The following SLC2A9 variants were observed in gnomAD, a reference collection of about 807,000 sequenced individuals.
SLC2A9 encodes the protein solute carrier family 2, facilitated glucose transporter member 9.
SLC2A9 carries 39 observed loss-of-function variants against 50.6 expected under a neutral mutation model. The observed-to-expected ratio is 0.77, with a 90% CI of 0.60 to 1.01. The LOEUF is 1.01. Among genes scored for constraint, SLC2A9 ranks in the 50% least tolerant of loss-of-function variants. SLC2A9 has a pLI of 0.00. For synonymous variants in SLC2A9, 324 were observed against 276.9 expected (o/e 1.17, Z -1.69); for missense variants, 686 against 677.6 (o/e 1.01, Z -0.14).
chr4:9,813,632 T>C (rs1723166676), intron 3 of SLC2A9, among the ~76,000 whole-genome samples: 1 of 152,252 alleles, frequency 6.6e-6, no homozygotes, highest in Non-Finnish European at 1.5e-5. Context: ...TCCCAGAGTC[T>C]ATCATGGGAG....
chr4:9,965,367 A>G (rs1228531572), intron 5 of SLC2A9, among the ~76,000 whole-genome samples: 1 of 152,148 alleles, frequency 6.6e-6, no homozygotes, highest in Non-Finnish European at 1.5e-5. Context: ...TTTTAATCTC[A>G]TGGGAAATTT....
At chr4:10,034,670 C>T (rs1764041686) in intron 1 of SLC2A9, 1 of 152,250 alleles carries the variant, frequency 6.6e-6, no homozygotes, top group African/African-American at 2.4e-5. Context: ...CATCTGTAAA[C>T]AGGTGTGCAG....
intron 1 of SLC2A9, among the ~76,000 whole-genome samples, chr4:9,772,269 G>A (rs1716922495): frequency 1.3e-5 from 2 of 152,140 alleles, no homozygotes; most frequent in South Asian, 2.1e-4. Flanking sequence ...GATAGAAGGG[G>A]TTGGCTGGTG....
At chr4:10,026,097 T>C (rs1023425200), upstream of SLC2A9, 4 of 907,882 alleles carry the variant, frequency 4.4e-6, no homozygotes, top group African/African-American at 1.7e-5. Context: ...CTTCGAAAGG[T>C]TTGCTGTGAG....
chr4:9,804,603 C>T (rs1279587483), intron 3 of SLC2A9, among the ~76,000 whole-genome samples: 1 of 152,206 alleles, frequency 6.6e-6, no homozygotes, highest in Non-Finnish European at 1.5e-5. Flanking sequence ...CCCTCCTCTC[C>T]TCCCACCAGG....
At chr4:9,782,480 A>C in intron 3 of SLC2A9, 1 of 1,613,956 alleles carries the variant, frequency 6.2e-7, no homozygotes. Flanking sequence ...CTACAAGCGC[A>C]AGATGACTCA....
At chr4:10,010,732 C>T (rs1465192230) in intron 2 of SLC2A9, among the ~76,000 whole-genome samples, 1 of 152,228 alleles carries the variant, frequency 6.6e-6, no homozygotes, top group Non-Finnish European at 1.5e-5. Context: ...CAAACAGGCA[C>T]CAAGTTCACT....
At chr4:10,022,013 ATT>A (rs1763545669), upstream of SLC2A9, among the ~76,000 whole-genome samples, 2 of 152,020 alleles carry the variant, frequency 1.3e-5, no homozygotes, top group African/African-American at 4.8e-5. Context: ...TGATTTTTGT[ATT>A]TTTAGTAGAG....
At chr4:9,843,099 C>T (rs1158501626) in intron 10 of SLC2A9, among the ~76,000 whole-genome samples, 2 of 152,038 alleles carry the variant, frequency 1.3e-5, no homozygotes, top group African/African-American at 4.8e-5. Flanking sequence ...GAGTGTTATA[C>T]TTTGAGCAGT....
At chr4:10,031,605 C>T (rs1341668282) in intron 1 of SLC2A9, among the ~76,000 whole-genome samples, 1 of 152,184 alleles carries the variant, frequency 6.6e-6, no homozygotes, top group East Asian at 1.9e-4. Context: ...GAGGGGATCC[C>T]CCAAATCTAT....
intron 6 of SLC2A9, among the ~76,000 whole-genome samples, chr4:9,926,475 T>A (rs1744927517): frequency 6.6e-6 from 1 of 151,096 alleles, no homozygotes. Context: ...ATAGCATTGG[T>A]GGTGTAACCA....
Position 10,035,325 on chromosome 4 carries a change from G to C in SLC2A9, c.-41+4805C>G, listed in dbSNP as rs1404831385. On this transcript the variant is annotated intron_variant, in intron 1 of 12. Coordinates refer to the SLC2A9 transcript ENST00000309065. ...TGCCTCGACCCTTGGCCTGGTGCCA[G>C]GCCTTCTGTTCACTCTCAGATCAGG... is the stretch of plus-strand genomic sequence containing the variant. 5 of 152,342 alleles carry C rather than the reference G, an allele frequency of 3.3e-5. No homozygotes were observed. In the East Asian group the frequency reaches 9.7e-4, roughly 29 times the overall value. The allele number at this position is 152,342 out of a possible 1,614,324, so 9.4% of individuals were successfully genotyped here.
At chr4:9,942,553 C>T (rs1224867502) in intron 5 of SLC2A9, among the ~76,000 whole-genome samples, 3 of 152,190 alleles carry the variant, frequency 2.0e-5, no homozygotes, top group Non-Finnish European at 4.4e-5. Context: ...CTTGCAGACC[C>T]CATGGGAGTG....
chr4:9,981,307 T>C (rs1560430469), intron 4 of SLC2A9, among the ~76,000 whole-genome samples: 5 of 150,840 alleles, frequency 3.3e-5, no homozygotes, highest in South Asian at 4.2e-4. Flanking sequence ...ATAGTGATGG[T>C]GGCGATGGTG....
At chr4:9,974,518 G>GC (rs1372796722) in intron 5 of SLC2A9, among the ~76,000 whole-genome samples, 2 of 68,028 alleles carry the variant, frequency 2.9e-5, no homozygotes, top group Non-Finnish European at 8.0e-5. Flanking sequence ...TATAATAGCT[G>GC]CCAAAAAAAA....
At chr4:9,800,609 C>A (rs1289216316) in intron 3 of SLC2A9, among the ~76,000 whole-genome samples, 2 of 152,144 alleles carry the variant, frequency 1.3e-5, no homozygotes, top group East Asian at 3.8e-4. Flanking sequence ...GTACACTCAG[C>A]CTTCCTGTGA....
chr4:9,809,752 A>T (rs1308395386), intron 3 of SLC2A9, among the ~76,000 whole-genome samples: 2 of 152,204 alleles, frequency 1.3e-5, no homozygotes, highest in African/African-American at 2.4e-5. Flanking sequence ...CACTTAGCAG[A>T]GTCCCGAATA....
chr4:9,944,191 G>A (rs368137550), intron 5 of SLC2A9, among the ~76,000 whole-genome samples: 76 of 152,316 alleles, frequency 5.0e-4, no homozygotes, highest in Middle Eastern at 3.4e-3. Context: ...AGGGGATGCC[G>A]GAGATGTGGG....
At chr4:9,896,778 A>T (rs902718040) in intron 8 of SLC2A9, among the ~76,000 whole-genome samples, 3 of 152,146 alleles carry the variant, frequency 2.0e-5, no homozygotes, top group Admixed American at 1.3e-4. Flanking sequence ...TGCCATTCAC[A>T]TTTTTCCATG....
Sources: gnomAD v4.1 joint callset for allele counts (sites outside exome capture counted in the v4.1 genomes callset) on GRCh38, gnomAD v4.1.1 for gene constraint, MANE v1.5 for transcripts, NCBI Gene and HGNC (gene_info 2026-07-23, HGNC 2026-07-21) for gene names.